Variants in GSE1 observed in about 807,000 individuals in gnomAD.
The protein encoded by GSE1 is genetic suppressor element 1.
GSE1 carries 32 observed loss-of-function variants against 112.6 expected under a neutral mutation model. The ratio of observed to expected loss-of-function variants is 0.28; its 90% CI spans 0.21 to 0.38. The LOEUF (loss-of-function observed/expected upper bound fraction) is 0.38. Among genes scored for constraint, GSE1 ranks in the 10% least tolerant of loss-of-function variants. The probability of loss-of-function intolerance (pLI) is 1.00; values close to 1 mark genes in which losing one functional copy is unlikely to be tolerated. For missense variants in GSE1, 2,348 were observed against 1,699.2 expected, an observed-to-expected ratio of 1.38 and a Z score of -6.71; for synonymous variants, 1,115 against 735.6, an observed-to-expected ratio of 1.52 and a Z score of -8.35.
chr16:85,658,756 A>T (rs2151945684), intron 8 of GSE1, among the ~76,000 whole-genome samples: 1 of 152,278 alleles, frequency 6.6e-6, no homozygotes, highest in African/African-American at 2.4e-5. Context: ...GCCAGCTCCT[A>T]CCTGGCATGG....
chr16:85,652,125 C>T (rs1190231675), intron 3 of GSE1, among the ~76,000 whole-genome samples: 1 of 152,246 alleles, frequency 6.6e-6, no homozygotes, highest in Non-Finnish European at 1.5e-5. Context: ...CCCCACATGC[C>T]CGTGCACAGC....
At chr16:85,210,128 C>A (rs550462255) in intron 1 of GSE1, among the ~76,000 whole-genome samples, 3 of 152,118 alleles carry the variant, frequency 2.0e-5, no homozygotes, top group Admixed American at 6.5e-5. Context: ...AGTTCTGTGT[C>A]GTATTCGTCT....
intron 1 of GSE1, among the ~76,000 whole-genome samples, chr16:85,340,500 G>T (rs181386615): frequency 2.6e-5 from 4 of 152,282 alleles, no homozygotes; most frequent in Admixed American, 6.5e-5. Context: ...AATTAGCTGG[G>T]TGTGGTAGTG....
intron 2 of GSE1, among the ~76,000 whole-genome samples, chr16:85,379,344 G>T (rs952708767): frequency 6.6e-6 from 1 of 152,202 alleles, no homozygotes; most frequent in African/African-American, 2.4e-5. Context: ...ATCACCCCCA[G>T]TGCCTAGAAT....
intron 3 of GSE1, among the ~76,000 whole-genome samples, chr16:85,652,289 G>C (rs2051426461): frequency 6.6e-6 from 1 of 152,248 alleles, no homozygotes. Flanking sequence ...CCAAGGTCAG[G>C]TTGGCCCCTC....
intron 2 of GSE1, among the ~76,000 whole-genome samples, chr16:85,494,870 G>A (rs1434096248): frequency 5.3e-5 from 8 of 152,234 alleles, no homozygotes; most frequent in Non-Finnish European, 7.3e-5. Context: ...TGCCTCTGTG[G>A]CAGCCCCCAC....
Position 85,666,213 on chromosome 16 carries a change from A to G in GSE1, c.2996A>G (p.Asp999Gly). The change falls in exon 13 of 16, where the codon GAC becomes GGC. Residue 999 changes from aspartate to glycine, a missense_variant. Coordinates refer to ENST00000253458, the MANE Select transcript of GSE1 (RefSeq NM_014615.5). ...TATATCCGGGGCGCTGCACCCAAGG[A>G]CATTCCTGTGCCGCTGTCCCACAGC... ...LHYIRGAAPK[D>G]IPVPLSHSTN... 6.2e-7 allele frequency: 1 copy of G among 1,613,694 alleles called. No homozygotes were observed. Among genetic ancestry groups the G allele is most frequent in the Non-Finnish European group, 8.5e-7 (1 of 1,180,044 alleles).
intron 2 of GSE1, among the ~76,000 whole-genome samples, chr16:85,466,218 C>T (rs2050116388): frequency 1.3e-5 from 2 of 152,234 alleles, no homozygotes; most frequent in African/African-American, 4.8e-5. Flanking sequence ...TGCCAGCTGA[C>T]CTGCTCTGCC....
At chr16:85,344,586 AGGCCCT>A (rs2046694934) in intron 1 of GSE1, among the ~76,000 whole-genome samples, 1 of 152,266 alleles carries the variant, frequency 6.6e-6, no homozygotes, top group Non-Finnish European at 1.5e-5. Flanking sequence ...TTGGCGGGCC[AGGCCCT>A]GTCCCAGAGC....
intron 1 of GSE1, among the ~76,000 whole-genome samples, chr16:85,318,327 A>C (rs556714486): frequency 2.1e-4 from 32 of 152,322 alleles, no homozygotes; most frequent in African/African-American, 7.5e-4. Flanking sequence ...GCACTGGTGC[A>C]GCTGTGGCTC....
At chr16:85,368,882 G>A (rs1567716084) in intron 2 of GSE1, among the ~76,000 whole-genome samples, 1 of 152,088 alleles carries the variant, frequency 6.6e-6, no homozygotes, top group Non-Finnish European at 1.5e-5. Context: ...GGGCATGGAC[G>A]GCTCTGGGAG....
intron 2 of GSE1, among the ~76,000 whole-genome samples, chr16:85,481,929 G>A (rs749108705): frequency 2.0e-5 from 3 of 152,238 alleles, no homozygotes; most frequent in African/African-American, 7.2e-5. Flanking sequence ...ATTCTCAGCC[G>A]CCGACGGACC....
rs1164289787 is a variant in GSE1, at chr16:85,648,644, C to G, written c.319C>G (p.Pro107Ala). The change falls in exon 3 of 16, where the codon CCT (proline) becomes GCT (alanine). Residue 107 changes from proline (P) to alanine (A), a missense_variant. Coordinates refer to ENST00000253458, the MANE Select transcript of GSE1 (RefSeq NM_014615.5). Reference sequence around the variant, plus strand: ...CACACCCAAGCGCGTGCCCATGGGCCCTATCATCGTCCCCCCTGGGGGCCA... The same window carrying G: ...CACACCCAAGCGCGTGCCCATGGGCGCTATCATCGTCCCCCCTGGGGGCCA... Reference protein sequence around the residue: ...ASTPKRVPMGPIIVPPGGHSV... With the variant: ...ASTPKRVPMGAIIVPPGGHSV... 6.2e-7 allele frequency: 1 copy of G among 1,600,468 alleles called. No individual in the cohort carries two copies. The highest frequency in any genetic ancestry group is 8.5e-7 in the Non-Finnish European group (1 of 1,169,970).
intron 1 of GSE1, chr16:85,580,253 G>C (rs2151380705): frequency 6.5e-6 from 1 of 152,694 alleles, no homozygotes; most frequent in East Asian, 1.9e-4. Flanking sequence ...GGACATTCTG[G>C]GCTGTCCCGA....
intron 1 of GSE1, among the ~76,000 whole-genome samples, chr16:85,280,602 G>A (rs530022601): frequency 2.4e-4 from 36 of 152,216 alleles, no homozygotes; most frequent in South Asian, 1.2e-3. Flanking sequence ...TGCCATGTTG[G>A]CCAGGCCGCT....
intron 1 of GSE1, among the ~76,000 whole-genome samples, chr16:85,334,509 T>C (rs1375618769): frequency 6.6e-6 from 1 of 152,208 alleles, no homozygotes; most frequent in Non-Finnish European, 1.5e-5. Context: ...CTCCTGTCTG[T>C]CCCCAGGTTC....
At chr16:85,585,629 G>T (rs1019455191) in intron 1 of GSE1, among the ~76,000 whole-genome samples, 3 of 152,206 alleles carry the variant, frequency 2.0e-5, no homozygotes, top group African/African-American at 7.2e-5. Flanking sequence ...CATCATTGCA[G>T]TCTGCTGCAG....
Position 85,311,097 on chromosome 16 carries a change from T to G in GSE1, c.2284-46366T>G, listed in dbSNP as rs936417697. On this transcript the variant is annotated intron_variant, in intron 1 of 2. Coordinates refer to the GSE1 transcript ENST00000637419. The surrounding 1 kb of genome is among the most constrained non-coding windows in gnomAD (Gnocchi z 4.2). ...CTCGTCCTCCAGCAGGCAGGGCATCTGACAGCCGTGGAGGACGGCAGAGGG... is the reference window on the plus strand; with the variant it reads ...CTCGTCCTCCAGCAGGCAGGGCATCGGACAGCCGTGGAGGACGGCAGAGGG... Among the ~76,000 whole-genome samples, 1 of 152,204 alleles carries G rather than the reference T, an allele frequency of 6.6e-6. No individual in the cohort carries two copies. The highest frequency in any genetic ancestry group is 2.4e-5 in the African/African-American group (1 of 41,468).
At chr16:85,287,090 G>A (rs1161623317) in intron 1 of GSE1, among the ~76,000 whole-genome samples, 1 of 152,226 alleles carries the variant, frequency 6.6e-6, no homozygotes, top group Non-Finnish European at 1.5e-5. Context: ...CGGGGACTGA[G>A]CTGGCGGCGG....
Sources: gnomAD v4.1 joint callset for allele counts (sites outside exome capture counted in the v4.1 genomes callset) on GRCh38, gnomAD v4.1.1 for gene constraint, Gnocchi (gnomAD v3.1) non-coding constraint, MANE v1.5 for transcripts, NCBI Gene and HGNC (gene_info 2026-07-23, HGNC 2026-07-21) for gene names.